The following SNED1 variants were observed in gnomAD, a reference collection of about 807,000 sequenced individuals.
SNED1 encodes the protein sushi, nidogen and EGF like domains 1.
Under a neutral mutation model 166.7 loss-of-function variants are expected in SNED1, and 81 were observed. That is an observed-to-expected ratio of 0.49 (90% CI 0.41 to 0.58). The LOEUF is 0.58. SNED1 is among the 20% of genes least tolerant of loss of function. SNED1 has a pLI of 0.00. For missense variants in SNED1, 1,604 were observed against 2,000.2 expected (o/e 0.80, Z 3.78); for synonymous variants, 762 against 822.0 (o/e 0.93, Z 1.25).
intron 24 of SNED1, chr2:241,071,323 T>G: frequency 1.7e-6 from 1 of 577,440 alleles, no homozygotes; most frequent in East Asian, 2.9e-5. Context: ...GCCTCATGAC[T>G]CCCAGGCCAG....
intron 21 of SNED1, 41 bp downstream of exon 21, chr2:241,065,636 C>A (rs769885515): frequency 1.6e-5 from 25 of 1,580,398 alleles, no homozygotes; most frequent in Non-Finnish European, 2.1e-5. Context: ...CCAGCCCCTG[C>A]CCCTCGAGGG....
At chr2:241,090,798 C>T (rs1445615316) in intron 31 of SNED1, among the ~76,000 whole-genome samples, 2 of 150,078 alleles carry the variant, frequency 1.3e-5, no homozygotes, top group African/African-American at 2.5e-5. Flanking sequence ...ACTTGGAAGG[C>T]AGAGGTTGCA....
chr2:241,038,192 G>A (rs932800744), intron 6 of SNED1, among the ~76,000 whole-genome samples: 24 of 152,296 alleles, frequency 1.6e-4, no homozygotes, highest in African/African-American at 4.8e-4. Flanking sequence ...CCAGGTGTGC[G>A]TGTCCTGTGT....
At chr2:241,041,203 A>ATTTTT in intron 8 of SNED1, 1 of 180,200 alleles carries the variant, frequency 5.5e-6, no homozygotes, top group Non-Finnish European at 1.2e-5. Flanking sequence ...GAGCGGGAGG[A>ATTTTT]GGCAGCCTCA....
At chr2:241,032,503 G>A (rs549917235) in intron 2 of SNED1, among the ~76,000 whole-genome samples, 2 of 139,634 alleles carry the variant, frequency 1.4e-5, no homozygotes, top group East Asian at 5.0e-4. Flanking sequence ...GGGGTCGGGG[G>A]AGGGATAGCA....
chr2:241,030,754 A>T (rs774312453), intron 2 of SNED1, among the ~76,000 whole-genome samples, 183 bp downstream of exon 2: 4 of 152,186 alleles, frequency 2.6e-5, no homozygotes, highest in Non-Finnish European at 5.9e-5. Context: ...ACCTTCCCCA[A>T]TGCTCCTGGA....
chr2:241,001,094 T>A (rs563119061), intron 1 of SNED1, among the ~76,000 whole-genome samples: 3 of 152,204 alleles, frequency 2.0e-5, no homozygotes, highest in African/African-American at 7.2e-5. Flanking sequence ...CTTGTCCAGC[T>A]CCAGTCTATA....
intron 8 of SNED1, among the ~76,000 whole-genome samples, chr2:241,041,814 A>G (rs895310789): frequency 3.3e-5 from 5 of 152,246 alleles, no homozygotes; most frequent in African/African-American, 1.2e-4. Context: ...GAAGTGGGCC[A>G]CAAATTGGAC....
chr2:241,011,311 G>C (rs2060394074), intron 1 of SNED1, among the ~76,000 whole-genome samples: 1 of 152,060 alleles, frequency 6.6e-6, no homozygotes, highest in Non-Finnish European at 1.5e-5. Context: ...AGGTCTCCTG[G>C]GTCTCCTGGC....
At chr2:241,039,384 CTT>C (rs2061460586) in intron 6 of SNED1, among the ~76,000 whole-genome samples, 1 of 152,162 alleles carries the variant, frequency 6.6e-6, no homozygotes, top group Non-Finnish European at 1.5e-5. Context: ...GGCTATCACT[CTT>C]GTTTCTGAGT....
intron 30 of SNED1, 65 bp from the exon 31 acceptor site, chr2:241,088,300 G>A (rs1301517776): frequency 8.7e-7 from 1 of 1,155,682 alleles, no homozygotes; most frequent in Admixed American, 1.7e-5. Flanking sequence ...CTGGACTGAG[G>A]TAGCTGTAGA....
At chr2:241,067,526 GGCCCACAGCGGGCTCTGCAGCCGTCAT>G (rs1337238178) in intron 21 of SNED1, among the ~76,000 whole-genome samples, 12 of 152,350 alleles carry the variant, frequency 7.9e-5, no homozygotes, top group Admixed American at 7.2e-4. Flanking sequence ...AAGACGGGCT[GGCCCACAGCGGGCTCTGCAGCCGTCAT>G]GCTCACAGCG....
intron 2 of SNED1, among the ~76,000 whole-genome samples, chr2:241,031,764 G>C (rs984897878): frequency 3.3e-5 from 5 of 152,206 alleles, no homozygotes; most frequent in African/African-American, 1.2e-4. Context: ...CCGAGTGTTA[G>C]CACTTACGTT....
intron 16 of SNED1, among the ~76,000 whole-genome samples, chr2:241,058,819 G>A (rs927121351): frequency 8.6e-5 from 13 of 152,032 alleles, no homozygotes; most frequent in Non-Finnish European, 1.5e-4. Flanking sequence ...GCGAGGTGGC[G>A]GGCGCCTGTA....
chr2:241,017,713 T>C (rs542194013), intron 1 of SNED1, among the ~76,000 whole-genome samples: 1 of 152,256 alleles, frequency 6.6e-6, no homozygotes, highest in East Asian at 1.9e-4. Context: ...GGCAAGTGGG[T>C]GAAGGCTGCC....
chr2:241,009,121 A>G (rs553328269), intron 1 of SNED1, among the ~76,000 whole-genome samples: 4 of 152,328 alleles, frequency 2.6e-5, no homozygotes, highest in South Asian at 2.1e-4. Flanking sequence ...AGTGGGGGAC[A>G]GACCAGGTTT....
At chr2:241,049,370 C>G (rs2061759840) in intron 11 of SNED1, among the ~76,000 whole-genome samples, 1 of 152,218 alleles carries the variant, frequency 6.6e-6, no homozygotes, top group Non-Finnish European at 1.5e-5. Flanking sequence ...TATACAAACA[C>G]CATGTGGTAT....
Position 241,081,811 on chromosome 2 carries a change from C to T in SNED1, c.4033+18C>T, listed in dbSNP as rs1301751665. Reference sequence around the variant, plus strand: ...CGAGCTCGGTAAGTCGGGGCTTGGCCTCAGGGCGCCCCTTCCAACACAGCC... The same window carrying T: ...CGAGCTCGGTAAGTCGGGGCTTGGCTTCAGGGCGCCCCTTCCAACACAGCC... On this transcript the variant is annotated intron_variant, in intron 28 of 31. Transcript: ENST00000310397. 3 of 1,537,384 alleles carry T rather than the reference C, an allele frequency of 2.0e-6. No homozygotes were observed. The highest frequency in any genetic ancestry group is 1.9e-5 in the Admixed American group (1 of 51,994).
chr2:241,037,966 C>G (rs912128914), intron 6 of SNED1, among the ~76,000 whole-genome samples: 1 of 152,172 alleles, frequency 6.6e-6, no homozygotes, highest in Non-Finnish European at 1.5e-5. Flanking sequence ...CCAGCTCTTT[C>G]GAAGCAGTTG....
Sources: gnomAD v4.1 joint callset for allele counts (sites outside exome capture counted in the v4.1 genomes callset) on GRCh38, gnomAD v4.1.1 for gene constraint, MANE v1.5 for transcripts, NCBI Gene and HGNC (gene_info 2026-07-23, HGNC 2026-07-21) for gene names.